TMED3: variants seen among roughly 807,000 people sequenced by gnomAD.
The protein encoded by TMED3 is transmembrane p24 trafficking protein 3, also known as transmembrane emp24 domain-containing protein 3.
In TMED3, 9 loss-of-function variants were observed where a neutral mutation model predicts 15.0. That is an observed-to-expected ratio of 0.60 (90% CI 0.36 to 1.04). The LOEUF (loss-of-function observed/expected upper bound fraction) is 1.04, where lower values mean the gene tolerates loss of function less well. Ranked by LOEUF, TMED3 falls within the 50% of genes least tolerant of loss-of-function variation. TMED3 has a pLI of 0.01. For synonymous variants in TMED3, 117 were observed against 121.4 expected (o/e 0.96, Z 0.24); for missense variants, 267 against 278.9 (o/e 0.96, Z 0.30).
intron 2 of TMED3, among the ~76,000 whole-genome samples, chr15:79,400,748 C>T (rs146147368): frequency 6.6e-6 from 1 of 152,172 alleles, no homozygotes; most frequent in African/African-American, 2.4e-5. Flanking sequence ...ATTGTAAGTA[C>T]TGGTATTTTC....
At chr15:79,328,748 A>C (rs1004926113) in intron 2 of TMED3, among the ~76,000 whole-genome samples, 1 of 152,198 alleles carries the variant, frequency 6.6e-6, no homozygotes, top group Admixed American at 6.5e-5. Context: ...ACTCTCTCAC[A>C]CACACAGCTG....
chr15:79,395,337 G>A (rs1377913365), intron 2 of TMED3, among the ~76,000 whole-genome samples: 1 of 152,040 alleles, frequency 6.6e-6, no homozygotes, highest in African/African-American at 2.4e-5. Flanking sequence ...TCACCACCAC[G>A]CCTGGCTAAT....
intron 2 of TMED3, among the ~76,000 whole-genome samples, chr15:79,345,566 G>A (rs1485613344): frequency 6.6e-6 from 1 of 152,164 alleles, no homozygotes; most frequent in East Asian, 1.9e-4. Context: ...CATTTAGGTT[G>A]TTGATTCCAT....
intron 2 of TMED3, among the ~76,000 whole-genome samples, chr15:79,395,870 C>T (rs1335147224): frequency 6.6e-6 from 1 of 152,164 alleles, no homozygotes; most frequent in Admixed American, 6.5e-5. Flanking sequence ...GATACTATGG[C>T]AAATAATAAC....
At chr15:79,409,777 A>C (rs549750543) in intron 2 of TMED3, among the ~76,000 whole-genome samples, 1 of 152,286 alleles carries the variant, frequency 6.6e-6, no homozygotes, top group Non-Finnish European at 1.5e-5. Flanking sequence ...ATTATGGGTG[A>C]AATTTTGTTA....
chr15:79,353,253 T>TATTATACATAATATATA (rs2058902689), intron 2 of TMED3, among the ~76,000 whole-genome samples: 2 of 63,980 alleles, frequency 3.1e-5, no homozygotes, highest in African/African-American at 1.3e-4. Context: ...ATACTATATA[T>TATTATACATAATATATA]AATATATATT....
intron 2 of TMED3, among the ~76,000 whole-genome samples, chr15:79,343,417 C>G (rs1482340315): frequency 1.3e-5 from 2 of 152,204 alleles, no homozygotes; most frequent in African/African-American, 4.8e-5. Flanking sequence ...GATCATCTGT[C>G]TTCGCTCAGC....
chr15:79,376,212 C>A (rs1490613230), intron 2 of TMED3, among the ~76,000 whole-genome samples: 1 of 146,270 alleles, frequency 6.8e-6, no homozygotes, highest in Non-Finnish European at 1.5e-5. Flanking sequence ...CGGGTTCACG[C>A]AAGAGAAAGA....
chr15:79,356,255 C>G (rs538859240), intron 2 of TMED3, among the ~76,000 whole-genome samples: 1 of 152,246 alleles, frequency 6.6e-6, no homozygotes, highest in African/African-American at 2.4e-5. Flanking sequence ...AAAGTGTTCC[C>G]CAGTCCCAAA....
chr15:79,367,867 A>G (rs1395738688), intron 2 of TMED3, among the ~76,000 whole-genome samples: 1 of 152,244 alleles, frequency 6.6e-6, no homozygotes, highest in Non-Finnish European at 1.5e-5. Flanking sequence ...CCGATTTGCA[A>G]TTTGTTAAGG....
At chr15:79,400,858 C>A (rs1363403324) in intron 2 of TMED3, among the ~76,000 whole-genome samples, 2 of 152,212 alleles carry the variant, frequency 1.3e-5, no homozygotes, top group South Asian at 2.1e-4. Context: ...AATAATAATT[C>A]TCCTGTGGTG....
chr15:79,406,356 G>C (rs947703205), intron 2 of TMED3, among the ~76,000 whole-genome samples: 1 of 152,170 alleles, frequency 6.6e-6, no homozygotes. Flanking sequence ...CTTGACAACT[G>C]ACAGAATAAC....
At chr15:79,401,720 T>C (rs1337190857) in intron 2 of TMED3, among the ~76,000 whole-genome samples, 1 of 152,134 alleles carries the variant, frequency 6.6e-6, no homozygotes, top group Admixed American at 6.5e-5. Context: ...TGAGTGCCAG[T>C]AACTGCAAAA....
chr15:79,377,872 T>C (rs1893458137), intron 2 of TMED3, among the ~76,000 whole-genome samples: 1 of 152,116 alleles, frequency 6.6e-6, no homozygotes, highest in Admixed American at 6.5e-5. Flanking sequence ...GGTCTCGATC[T>C]CCTGACCTCA....
At chr15:79,388,225 TTTTC>T (rs1198324286) in intron 2 of TMED3, among the ~76,000 whole-genome samples, 11 of 152,164 alleles carry the variant, frequency 7.2e-5, no homozygotes, top group Non-Finnish European at 1.6e-4. Flanking sequence ...TTCGGTAGCC[TTTTC>T]TTTCTTTTTG....
chr15:79,354,151 G>A (rs1158945667), intron 2 of TMED3, among the ~76,000 whole-genome samples: 2 of 152,118 alleles, frequency 1.3e-5, no homozygotes, highest in Non-Finnish European at 2.9e-5. Context: ...AGATTAACTA[G>A]GGATGTGTAA....
chr15:79,378,736 A>T (rs530861186), intron 2 of TMED3, among the ~76,000 whole-genome samples: 56 of 152,342 alleles, frequency 3.7e-4, no homozygotes, highest in African/African-American at 1.3e-3. Flanking sequence ...TTTTAATGAG[A>T]TGAATGCTTG....
chr15:79,346,012 T>A (rs2058870038), intron 2 of TMED3, among the ~76,000 whole-genome samples: 1 of 152,252 alleles, frequency 6.6e-6, no homozygotes, highest in African/African-American at 2.4e-5. Context: ...GTATTTTTTC[T>A]TGTAAATTTG....
chr15:79,346,039 ATGC>A (rs1464078359), intron 2 of TMED3, among the ~76,000 whole-genome samples: 1 of 152,124 alleles, frequency 6.6e-6, no homozygotes, highest in Non-Finnish European at 1.5e-5. Context: ...TTCTTTATAG[ATGC>A]TGGAGTTAGA....
Sources: allele counts gnomAD v4.1 joint callset (sites outside exome capture counted in the v4.1 genomes callset), GRCh38; gene constraint gnomAD v4.1.1; transcripts MANE v1.5; gene names NCBI Gene and HGNC (gene_info 2026-07-23, HGNC 2026-07-21).